The following EPB41L2 variants were observed in gnomAD, a reference collection of about 807,000 sequenced individuals.
EPB41L2 encodes the protein band 4.1-like protein 2.
A neutral mutation model predicts 113.0 loss-of-function variants in EPB41L2; 43 were observed. The observed-to-expected ratio is 0.38, with a 90% confidence interval of 0.30 to 0.49. The LOEUF is 0.49. Ranked by LOEUF, EPB41L2 falls within the 20% of genes least tolerant of loss-of-function variation. EPB41L2 has a pLI of 0.95. For synonymous variants in EPB41L2, 442 were observed against 436.7 expected (o/e 1.01, Z -0.15); for missense variants, 1,147 against 1,223.4 (o/e 0.94, Z 0.93).
At chr6:131,013,946 A>C (rs1392808949) in intron 1 of EPB41L2, among the ~76,000 whole-genome samples, 1 of 152,122 alleles carries the variant, frequency 6.6e-6, no homozygotes, top group Non-Finnish European at 1.5e-5. Context: ...TTTATATCCA[A>C]ATCGTCCAGG....
intron 4 of EPB41L2, among the ~76,000 whole-genome samples, chr6:130,918,035 T>A (rs55825065): frequency 2.1e-4 from 32 of 152,318 alleles, no homozygotes; most frequent in Middle Eastern, 3.4e-3. Context: ...TTTGCCTAAA[T>A]TGGGTTTAAG....
chr6:130,892,403 C>CTTTTT lies in EPB41L2; in HGVS notation c.1487+1936_1488-1938dup, dbSNP rs60350565. On this transcript the variant is annotated intron_variant, in intron 10 of 19. Coordinates refer to ENST00000337057, the MANE Select transcript of EPB41L2 (RefSeq NM_001431.4). ...CTTGCCATTTCTGAACAGATTATTGCTTTTTTTTTTTTTTTTTTTATCATT... is the reference window on the plus strand; with the variant it reads ...CTTGCCATTTCTGAACAGATTATTGCTTTTTTTTTTTTTTTTTTTTTTTTATCATT... Among the ~76,000 whole-genome samples, 236 of 92,618 alleles carry CTTTTT rather than the reference C, an allele frequency of 2.5e-3. 23 individuals are homozygous for CTTTTT. The highest frequency in any genetic ancestry group is 4.5e-3 in the Non-Finnish European group (186 of 41,478). 60.8% of individuals were successfully genotyped at this position (92,618 alleles called of 152,430 possible).
chr6:130,992,692 G>T (rs1057354104), intron 1 of EPB41L2, among the ~76,000 whole-genome samples: 2 of 150,914 alleles, frequency 1.3e-5, no homozygotes, highest in Non-Finnish European at 2.9e-5. Flanking sequence ...ATGCAGTGGC[G>T]CCATCTCAGC....
chr6:130,864,965 G>C (rs1237952751), intron 17 of EPB41L2, among the ~76,000 whole-genome samples: 1 of 152,170 alleles, frequency 6.6e-6, no homozygotes, highest in Non-Finnish European at 1.5e-5. Flanking sequence ...ACAATTCTAA[G>C]GTTTCAGGAG....
intron 1 of EPB41L2, among the ~76,000 whole-genome samples, chr6:131,027,701 C>T (rs941005084): frequency 2.0e-5 from 3 of 152,126 alleles, no homozygotes; most frequent in Non-Finnish European, 2.9e-5. Flanking sequence ...GGAATGGATA[C>T]CCCATTCTCC....
chr6:130,854,291 C>T (rs1779601718), intron 19 of EPB41L2, among the ~76,000 whole-genome samples: 1 of 151,746 alleles, frequency 6.6e-6, no homozygotes, highest in Admixed American at 6.6e-5. Context: ...TCCTCAATAC[C>T]CAGCCCTACC....
chr6:130,932,599 T>C (rs956971601), intron 3 of EPB41L2, among the ~76,000 whole-genome samples: 4 of 152,204 alleles, frequency 2.6e-5, no homozygotes, highest in Non-Finnish European at 4.4e-5. Context: ...CTCCAAAATA[T>C]CCTTCCCTAT....
intron 1 of EPB41L2, among the ~76,000 whole-genome samples, chr6:131,002,287 A>C (rs1784517527): frequency 6.6e-6 from 1 of 152,190 alleles, no homozygotes; most frequent in Non-Finnish European, 1.5e-5. Flanking sequence ...CAGTCCTAGC[A>C]ATAATACTGA....
chr6:130,863,284 TTTC>T (rs1317892510), intron 18 of EPB41L2, among the ~76,000 whole-genome samples: 1 of 152,246 alleles, frequency 6.6e-6, no homozygotes, highest in Non-Finnish European at 1.5e-5. Context: ...GCTTAGTGGC[TTTC>T]TTCATTTTTT....
At chr6:130,881,260 T>G (rs923956097) in intron 12 of EPB41L2, 1 of 152,190 alleles carries the variant, frequency 6.6e-6, no homozygotes, top group Non-Finnish European at 1.5e-5. Flanking sequence ...TTAATTAGGA[T>G]GATAGTGTCA....
At chr6:130,961,542 G>A (rs1257486322) in intron 1 of EPB41L2, among the ~76,000 whole-genome samples, 1 of 152,072 alleles carries the variant, frequency 6.6e-6, no homozygotes, top group Admixed American at 6.6e-5. Flanking sequence ...TTAAAACATT[G>A]GCCCTTAATC....
At chr6:130,964,237 G>T (rs953659211) in intron 1 of EPB41L2, among the ~76,000 whole-genome samples, 1 of 151,996 alleles carries the variant, frequency 6.6e-6, no homozygotes. Flanking sequence ...GGCCTGGCTG[G>T]TCTCAAACTC....
At chr6:130,846,092 A>C (rs972446788) in intron 19 of EPB41L2, among the ~76,000 whole-genome samples, 6 of 152,228 alleles carry the variant, frequency 3.9e-5, no homozygotes, top group African/African-American at 1.2e-4. Flanking sequence ...GCAAGCTTTT[A>C]GGTGAACATT....
chr6:131,021,983 C>A (rs1239972259), intron 1 of EPB41L2, among the ~76,000 whole-genome samples: 1 of 152,134 alleles, frequency 6.6e-6, no homozygotes, highest in Non-Finnish European at 1.5e-5. Context: ...AAGTGCATTA[C>A]ATTTATTGTG....
intron 1 of EPB41L2, among the ~76,000 whole-genome samples, chr6:131,029,853 G>A (rs1387976575): frequency 1.3e-5 from 2 of 151,186 alleles, no homozygotes; most frequent in East Asian, 3.9e-4. Context: ...ATTGTTCTGA[G>A]CCCTTTATCC....
At chr6:130,913,977 G>A (rs1026070933) in intron 4 of EPB41L2, among the ~76,000 whole-genome samples, 1 of 152,150 alleles carries the variant, frequency 6.6e-6, no homozygotes, top group African/African-American at 2.4e-5. Flanking sequence ...ATACACTACA[G>A]TATTCATTGC....
intron 4 of EPB41L2, among the ~76,000 whole-genome samples, chr6:130,925,416 T>C (rs971417046): frequency 6.6e-6 from 1 of 152,092 alleles, no homozygotes; most frequent in Non-Finnish European, 1.5e-5. Flanking sequence ...CTTGAACTCC[T>C]GACCTCAAGT....
intron 11 of EPB41L2, 134 bp from the exon 12 acceptor site, chr6:130,885,402 G>T: frequency 1.3e-6 from 1 of 744,350 alleles, no homozygotes; most frequent in South Asian, 1.9e-5. Context: ...CTTGAGCTCT[G>T]AAAATACCCA....
At chr6:130,874,954 G>A (rs565341564) in intron 14 of EPB41L2, among the ~76,000 whole-genome samples, 4 of 152,160 alleles carry the variant, frequency 2.6e-5, no homozygotes, top group South Asian at 4.1e-4. Flanking sequence ...TGAAAAATAC[G>A]TAATATTTCA....
Sources: allele counts gnomAD v4.1 joint callset (sites outside exome capture counted in the v4.1 genomes callset), GRCh38; gene constraint gnomAD v4.1.1; transcripts MANE v1.5; gene names NCBI Gene and HGNC (gene_info 2026-07-23, HGNC 2026-07-21).